KDM2A: variants seen among roughly 807,000 people sequenced by gnomAD.
KDM2A encodes the protein lysine demethylase 2A.
Under a neutral mutation model 137.3 loss-of-function variants are expected in KDM2A, and 3 were observed. That is an observed-to-expected ratio of 0.02 (90% CI 0.01 to 0.06). The LOEUF (loss-of-function observed/expected upper bound fraction) is 0.06, where lower values mean the gene tolerates loss of function less well. Ranked by LOEUF, KDM2A falls within the 10% of genes least tolerant of loss-of-function variation. The pLI is 1.00. For synonymous variants in KDM2A, 512 were observed against 541.5 expected (o/e 0.95, Z 0.76); for missense variants, 738 against 1,510.6 (o/e 0.49, Z 8.48).
At chr11:67,148,508 A>G (rs1281504330) in intron 2 of KDM2A, among the ~76,000 whole-genome samples, 1 of 152,078 alleles carries the variant, frequency 6.6e-6, no homozygotes, top group African/African-American at 2.4e-5. Context: ...CCCATCAGAA[A>G]CAAGTAATCC....
At position 67,121,358 on chromosome 11, in the gene KDM2A, G is replaced by C; in HGVS notation, c.42G>C (p.Leu14Phe). 1 of 1,613,496 alleles carries C rather than the reference G, an allele frequency of 6.2e-7. No individual in the cohort carries two copies. Among genetic ancestry groups the C allele is most frequent in the Non-Finnish European group, 8.5e-7 (1 of 1,179,562 alleles). The change falls in exon 2 of 21, where the codon TTG becomes TTC. Residue 14 changes from leucine to phenylalanine, a missense_variant and splice_region_variant. Transcript: ENST00000529006. ...AAAGGATTCGTTACAGCCAGAGATT[G>C]GTTAGTATTTTCTCCCCCCACCACA... ...EEERIRYSQR[L>F]RGTMRRRYED... is the part of the protein sequence containing the mutation.
At chr11:67,221,256 G>C (rs1412515611) in intron 10 of KDM2A, among the ~76,000 whole-genome samples, 1 of 152,226 alleles carries the variant, frequency 6.6e-6, no homozygotes, top group East Asian at 1.9e-4. Flanking sequence ...TTACTCTCAA[G>C]TAGCTTAGCA....
rs779698324 is a variant in KDM2A, at chr11:67,228,006, G to A, written c.958-31G>A. 1.3e-5 allele frequency: 20 copies of A among 1,595,388 alleles called. No homozygotes were observed. In the Middle Eastern group the frequency reaches 5.0e-4, roughly 40 times the overall value. On this transcript the variant is annotated intron_variant, in intron 10 of 20. Coordinates refer to ENST00000529006, the MANE Select transcript of KDM2A (RefSeq NM_012308.3). ...GTTGTACTCTCTTTCCTTGAAAATC[G>A]TCATCTTTTCTCTATTTTATTCCTC...
Position 67,254,779 on chromosome 11 carries a change from T to TCCCACA in KDM2A, c.3308-95_3308-94insCCCACA, listed in dbSNP as rs1478772327. 2.4e-4 allele frequency: 290 copies of TCCCACA among 1,202,062 alleles called. No homozygotes were observed. Among genetic ancestry groups the TCCCACA allele is most frequent in the Non-Finnish European group, 3.1e-4 (261 of 845,262 alleles). 74.5% of individuals were successfully genotyped at this position (1,202,062 alleles called of 1,614,324 possible). ...AGTTGTGGGACAAAGAGGGCTTTTG[T>TCCCACA]TTAGCATTTTGAAGGAAAGACGGCT... On this transcript the variant is annotated intron_variant, in intron 20 of 20. Transcript: ENST00000529006. The surrounding 1 kb of genome is among the most constrained non-coding windows in gnomAD (Gnocchi z 4.7).
chr11:67,243,936 A>G (rs1178716622), intron 13 of KDM2A: 1 of 152,166 alleles, frequency 6.6e-6, no homozygotes, highest in Non-Finnish European at 1.5e-5. Flanking sequence ...TCCTCTATCA[A>G]GGTTATGTAT....
At chr11:67,152,642 A>G (rs1341008667) in intron 2 of KDM2A, among the ~76,000 whole-genome samples, 5 of 151,786 alleles carry the variant, frequency 3.3e-5, no homozygotes, top group African/African-American at 1.2e-4. Context: ...TGGCTACCGG[A>G]AAAATTTAAA....
At chr11:67,200,216 G>A (rs1857583208) in intron 5 of KDM2A, among the ~76,000 whole-genome samples, 1 of 151,390 alleles carries the variant, frequency 6.6e-6, no homozygotes, top group Admixed American at 6.6e-5. Context: ...TTGTTTGTGT[G>A]GTTTTTTTTT....
intron 12 of KDM2A, among the ~76,000 whole-genome samples, chr11:67,235,720 C>A (rs1040590626): frequency 2.2e-4 from 33 of 151,890 alleles, no homozygotes; most frequent in African/African-American, 7.7e-4. Context: ...CTCCTGGGTT[C>A]AAGTGATTCT....
In KDM2A at chr11:67,245,074, C is replaced by A; in HGVS notation, c.1564-115C>A. ...ATTTATTCTAGAAACAAGCAGTGGGCAGATCTGGCCATAGTGGGCCAAGCC... is the reference window on the plus strand; with the variant it reads ...ATTTATTCTAGAAACAAGCAGTGGGAAGATCTGGCCATAGTGGGCCAAGCC... On this transcript the variant is annotated intron_variant, in intron 13 of 20. Transcript: ENST00000529006. The surrounding 1 kb of genome is among the most constrained non-coding windows in gnomAD (Gnocchi z 4.1). 9.3e-7 allele frequency: 1 copy of A among 1,070,764 alleles called. No homozygotes were observed. 66.3% of individuals were successfully genotyped at this position (1,070,764 alleles called of 1,614,324 possible).
intron 4 of KDM2A, 106 bp downstream of exon 4, chr11:67,181,504 T>C: frequency 1.4e-6 from 1 of 703,178 alleles, no homozygotes; most frequent in South Asian, 2.1e-5. Context: ...TAATTGAAAA[T>C]AATTTCCCAC....
intron 6 of KDM2A, among the ~76,000 whole-genome samples, chr11:67,208,940 TA>T (rs1857895017): frequency 2.0e-5 from 3 of 151,906 alleles, no homozygotes; most frequent in African/African-American, 2.4e-5. Context: ...TATTATTTAT[TA>T]TTTTTTTTTT....
intron 12 of KDM2A, among the ~76,000 whole-genome samples, chr11:67,238,589 C>T (rs1427334894): frequency 1.3e-5 from 2 of 151,804 alleles, no homozygotes; most frequent in South Asian, 2.1e-4. Flanking sequence ...TCTGTCCTTC[C>T]CCTGGTAAAC....
intron 2 of KDM2A, among the ~76,000 whole-genome samples, chr11:67,177,536 GTATCACAGAGCGGCATCAT>G (rs942101994): frequency 6.6e-6 from 1 of 152,002 alleles, no homozygotes; most frequent in Admixed American, 6.6e-5. Flanking sequence ...GGGGTCATCA[GTATCACAGAGCGGCATCAT>G]TATCACTGTC....
chr11:67,142,652 C>T (rs1033420433), intron 2 of KDM2A, among the ~76,000 whole-genome samples: 4 of 150,580 alleles, frequency 2.7e-5, no homozygotes, highest in Non-Finnish European at 4.4e-5. Context: ...TGCAGTGAGC[C>T]GAGATTGCAC....
At chr11:67,228,624 G>A (rs1858616536) in intron 11 of KDM2A, among the ~76,000 whole-genome samples, 1 of 150,542 alleles carries the variant, frequency 6.6e-6, no homozygotes, top group African/African-American at 2.4e-5. Flanking sequence ...GGTTGAGGCT[G>A]CAGTGAGCCG....
chr11:67,241,627 A>G (rs1204527296), intron 12 of KDM2A, among the ~76,000 whole-genome samples: 2 of 152,232 alleles, frequency 1.3e-5, no homozygotes, highest in East Asian at 1.9e-4. Flanking sequence ...CATCCTGTAC[A>G]TACATACCTA....
chr11:67,195,113 A>T (rs969668990), intron 5 of KDM2A, among the ~76,000 whole-genome samples: 9 of 152,144 alleles, frequency 5.9e-5, no homozygotes, highest in Admixed American at 2.0e-4. Context: ...GTCAGAACCC[A>T]TTGAGAATAG....
At chr11:67,188,216 C>T (rs533109075) in intron 5 of KDM2A, among the ~76,000 whole-genome samples, 42 of 151,756 alleles carry the variant, frequency 2.8e-4, no homozygotes, top group Non-Finnish European at 5.0e-4. Flanking sequence ...CAGTGACTCA[C>T]GCTTGTAATC....
chr11:67,217,596 C>G, intron 8 of KDM2A, 135 bp from the exon 9 acceptor site: 1 of 777,202 alleles, frequency 1.3e-6, no homozygotes, highest in Non-Finnish European at 2.1e-6. Context: ...ACCACATAGT[C>G]AAGTTCTATA....
Sources: gnomAD v4.1 joint callset for allele counts (sites outside exome capture counted in the v4.1 genomes callset) on GRCh38, gnomAD v4.1.1 for gene constraint, Gnocchi (gnomAD v3.1) non-coding constraint, MANE v1.5 for transcripts, NCBI Gene and HGNC (gene_info 2026-07-23, HGNC 2026-07-21) for gene names.